IVD: variants seen among roughly 807,000 people sequenced by gnomAD.
IVD encodes isovaleryl-CoA dehydrogenase, mitochondrial.
A neutral mutation model predicts 51.3 loss-of-function variants in IVD; 31 were observed. The observed-to-expected ratio is 0.60, with a 90% CI of 0.45 to 0.81. The LOEUF (loss-of-function observed/expected upper bound fraction) is 0.81. Ranked by LOEUF, IVD falls within the 40% of genes least tolerant of loss-of-function variation. IVD has a pLI of 0.00. For synonymous variants in IVD, 205 were observed against 219.4 expected (o/e 0.93, Z 0.58); for missense variants, 475 against 552.0 (o/e 0.86, Z 1.40).
chr15:40,413,197 C>T (rs1434431601), intron 7 of IVD, 110 bp downstream of exon 7: 11 of 861,068 alleles, frequency 1.3e-5, no homozygotes, highest in South Asian at 2.8e-5. Flanking sequence ...GCATTGTTAG[C>T]GCTTCAGTGA....
Position 40,419,434 on chromosome 15 carries a change from C to T in IVD, c.*1171C>T, listed in dbSNP as rs1047821716. 4 of 346,348 alleles carry T rather than the reference C, an allele frequency of 1.2e-5. No homozygotes were observed. The highest frequency in any genetic ancestry group is 2.3e-5 in the Non-Finnish European group (4 of 176,668). The allele number at this position is 346,348 out of a possible 1,614,324, so 21.5% of individuals were successfully genotyped here. ...GCTGAGGCAGGAGAATCACTTGAAC[C>T]CGGGAGGTGGAGGTTGCAATGAGCC... On this transcript the variant is annotated 3_prime_UTR_variant, in exon 12 of 12. Transcript: ENST00000487418.
chr15:40,415,522 G>C, intron 9 of IVD, 40 bp downstream of exon 9: 6 of 1,560,954 alleles, frequency 3.8e-6, no homozygotes, highest in Non-Finnish European at 5.3e-6. Context: ...TCTTCAACTG[G>C]GCTAAAGTTT....
At chr15:40,424,155 C>T, downstream of IVD, 1 of 1,287,662 alleles carries the variant, frequency 7.8e-7, no homozygotes. Context: ...TCAACCCTTC[C>T]TCTACACTGA....
rs1292863935 is a variant in IVD at position 40,418,565 on chromosome 15, C to T, written c.*302C>T. ...TGCCCTTGCTCTCTAACTTCTGAGCCCACCTCCCAGGGTAGGCACCTGGGG... is the reference window on the plus strand; with the variant it reads ...TGCCCTTGCTCTCTAACTTCTGAGCTCACCTCCCAGGGTAGGCACCTGGGG... On this transcript the variant is annotated 3_prime_UTR_variant, in exon 12 of 12. Coordinates refer to ENST00000487418, the MANE Select transcript of IVD (RefSeq NM_002225.5). 1 of 938,250 alleles carries T rather than the reference C, an allele frequency of 1.1e-6. No individual in the cohort carries two copies. Among genetic ancestry groups the T allele is most frequent in the Non-Finnish European group, 1.4e-6 (1 of 732,036 alleles). The allele number at this position is 938,250 out of a possible 1,614,324, so 58.1% of individuals were successfully genotyped here. A position where few individuals can be genotyped will look rare whatever the true frequency, so the allele number is the denominator to read the frequency against.
At chr15:40,421,367 G>A, downstream of IVD, 2 of 985,494 alleles carry the variant, frequency 2.0e-6, no homozygotes, top group East Asian at 1.1e-4. Flanking sequence ...GGTTCTTGTG[G>A]GCGTGTTTGG....
intron 8 of IVD, 125 bp downstream of exon 8, chr15:40,415,107 C>T (rs1891514261): frequency 1.8e-6 from 2 of 1,120,478 alleles, no homozygotes; most frequent in Non-Finnish European, 1.3e-6. Context: ...CTGCTCTCTC[C>T]TGGGAGATGA....
At chr15:40,427,732 G>A (rs577134566), downstream of IVD, among the ~76,000 whole-genome samples, 1 of 152,230 alleles carries the variant, frequency 6.6e-6, no homozygotes, top group Admixed American at 6.5e-5. Flanking sequence ...TTAAAATAGG[G>A]GGAAAGAGGA....
At chr15:40,422,990 C>T (rs1892448198), downstream of IVD, among the ~76,000 whole-genome samples, 1 of 152,052 alleles carries the variant, frequency 6.6e-6, no homozygotes, top group African/African-American at 2.4e-5. Flanking sequence ...TCTCAGCTTA[C>T]TGCAGCCTCG....
At chr15:40,435,359 G>A in intron 8 of IVD, 1 of 995,720 alleles carries the variant, frequency 1.0e-6, no homozygotes, top group Non-Finnish European at 1.2e-6. Flanking sequence ...CTCCTGGTTG[G>A]CAGGCAGGAG....
chr15:40,423,456 G>A (rs1003652594), downstream of IVD, among the ~76,000 whole-genome samples: 3 of 152,072 alleles, frequency 2.0e-5, no homozygotes, highest in Non-Finnish European at 2.9e-5. Context: ...CACTTTTAAG[G>A]ATAGTTTTTG....
chr15:40,412,399 G>A (rs1051375503), intron 6 of IVD, among the ~76,000 whole-genome samples: 5 of 152,160 alleles, frequency 3.3e-5, no homozygotes, highest in Admixed American at 6.5e-5. Context: ...AAAGGTTTGC[G>A]GTACCCTCCA....
In IVD at chr15:40,414,885, G is replaced by A. The variant is rs369133260; in HGVS notation, c.785-4G>A. 20 of 1,613,916 alleles carry A rather than the reference G, an allele frequency of 1.2e-5. No homozygotes were observed. The highest frequency in any genetic ancestry group is 1.7e-5 in the Non-Finnish European group (20 of 1,179,970). ...CTCCCTCTGACCAGCACTTATCCTG[G>A]CAGCTGCCAACATCCTGGGCCATGA... On this transcript the variant is annotated splice_region_variant and splice_polypyrimidine_tract_variant and intron_variant, in intron 7 of 11. Coordinates refer to ENST00000487418, the MANE Select transcript of IVD (RefSeq NM_002225.5).
chr15:40,420,132 CA>C lies in IVD; in HGVS notation c.*1870del. On this transcript the variant is annotated 3_prime_UTR_variant, in exon 12 of 12. Transcript: ENST00000487418. Reference sequence around the variant, plus strand: ...AATAATAATAAAATAAATGAACACACATGCTGCTGAGTCCGCAGGGGGGGCA... The same window carrying C: ...AATAATAATAAAATAAATGAACACACTGCTGCTGAGTCCGCAGGGGGGGCA... 4 of 971,200 alleles carry C rather than the reference CA, an allele frequency of 4.1e-6. No individual in the cohort carries two copies. The highest frequency in any genetic ancestry group is 4.9e-6 in the Non-Finnish European group (4 of 824,232). The allele number at this position is 971,200 out of a possible 1,614,324, so 60.2% of individuals were successfully genotyped here. A position where few individuals can be genotyped will look rare whatever the true frequency, so the allele number is the denominator to read the frequency against.
chr15:40,421,951 C>T (rs76994419), downstream of IVD, among the ~76,000 whole-genome samples: 13,663 of 152,244 alleles, frequency 0.09, 805 homozygotes, highest in Non-Finnish European at 0.12. Flanking sequence ...GGAGCTGGGA[C>T]CTAAGACCCA....
chr15:40,407,603 T>C, intron 1 of IVD, 33 bp from the exon 2 acceptor site: 1 of 1,468,658 alleles, frequency 6.8e-7, no homozygotes, highest in South Asian at 1.1e-5. Context: ...AGATGCTGTC[T>C]GCAGTGGCAT....
chr15:40,428,290 G>T (rs565693644), downstream of IVD, among the ~76,000 whole-genome samples: 42 of 151,950 alleles, frequency 2.8e-4, no homozygotes, highest in Middle Eastern at 3.2e-3. Flanking sequence ...TGCTTCCAAG[G>T]CCCGGAGCTG....
chr15:40,417,875 T>C (rs1167939165), intron 11 of IVD, among the ~76,000 whole-genome samples: 1 of 152,202 alleles, frequency 6.6e-6, no homozygotes, highest in Non-Finnish European at 1.5e-5. Flanking sequence ...TATGTATGTA[T>C]AGGGAAAAAA....
In IVD at chr15:40,416,118, T is replaced by A; in HGVS notation, c.1001T>A (p.Met334Lys). Residue 334 changes from methionine (M) to lysine (K), a missense_variant, in exon 10 of 12, where the codon ATG becomes AAG. Coordinates refer to ENST00000487418, the MANE Select transcript of IVD (RefSeq NM_002225.5). ...ATGGCTGACATGTACACCCGCCTCA[T>A]GGCGTGTCGGCAGTATGTCTACAAT... ...GKMADMYTRL[M>K]ACRQYVYNVA... 6.2e-7 allele frequency: 1 copy of A among 1,614,256 alleles called. No individual in the cohort carries two copies. The highest frequency in any genetic ancestry group is 8.5e-7 in the Non-Finnish European group (1 of 1,180,044).
chr15:40,428,873 C>T (rs1566951206), downstream of IVD, among the ~76,000 whole-genome samples: 1 of 152,170 alleles, frequency 6.6e-6, no homozygotes, highest in Non-Finnish European at 1.5e-5. Flanking sequence ...GCAGGGTCCT[C>T]AGCCCTGCCT....
Sources: gnomAD v4.1 joint callset for allele counts (sites outside exome capture counted in the v4.1 genomes callset) on GRCh38, gnomAD v4.1.1 for gene constraint, MANE v1.5 for transcripts, NCBI Gene and HGNC (gene_info 2026-07-23, HGNC 2026-07-21) for gene names.